Variants in INPP5D observed in about 807,000 individuals in gnomAD.
INPP5D encodes the protein phosphatidylinositol 3,4,5-trisphosphate 5-phosphatase 1.
In INPP5D, 33 loss-of-function variants were observed where a neutral mutation model predicts 122.9. The ratio of observed to expected loss-of-function variants is 0.27; its 90% CI spans 0.20 to 0.36. The LOEUF (loss-of-function observed/expected upper bound fraction) is 0.36, where lower values mean the gene tolerates loss of function less well. INPP5D is among the 10% of genes least tolerant of loss of function. The probability of loss-of-function intolerance (pLI) is 1.00; values close to 1 mark genes in which losing one functional copy is unlikely to be tolerated. For synonymous variants in INPP5D, 584 were observed against 576.2 expected (o/e 1.01, Z -0.19); for missense variants, 1,053 against 1,412.7 (o/e 0.75, Z 4.08).
chr2:233,105,815 G>A lies in INPP5D; in HGVS notation c.199-16292G>A, dbSNP rs1472199887. On this transcript the variant is annotated intron_variant, in intron 2 of 26. Coordinates refer to ENST00000445964, the MANE Select transcript of INPP5D (RefSeq NM_001017915.3). The surrounding 1 kb of genome is among the most constrained non-coding windows in gnomAD (Gnocchi z 4.0). ...AGTGGAGGGTGCCAGGGAGAGAGTG[G>A]CTCTGGGGGGCCACAGTGGGGTTCT... 6.6e-6 allele frequency among the ~76,000 whole-genome samples: 1 copy of A among 152,126 alleles called. No homozygotes were observed. Among genetic ancestry groups the A allele is most frequent in the Non-Finnish European group, 1.5e-5 (1 of 68,016 alleles).
At chr2:233,146,781 G>C (rs1693771679) in intron 8 of INPP5D, among the ~76,000 whole-genome samples, 2 of 151,784 alleles carry the variant, frequency 1.3e-5, no homozygotes, top group Admixed American at 1.3e-4. Flanking sequence ...GGGGAATTCA[G>C]AAAAAAAATC....
chr2:233,186,462 C>G (rs1327379755), intron 21 of INPP5D, among the ~76,000 whole-genome samples: 1 of 152,108 alleles, frequency 6.6e-6, no homozygotes, highest in Non-Finnish European at 1.5e-5. Flanking sequence ...GAATTGGAAA[C>G]ACTCAGCCAG....
chr2:233,111,034 A>G (rs1234044998), intron 2 of INPP5D, among the ~76,000 whole-genome samples: 1 of 152,158 alleles, frequency 6.6e-6, no homozygotes. Context: ...ATTCCTGTAT[A>G]CCCTCTGCTT....
In INPP5D at chr2:233,112,459, CT is replaced by C. The variant is rs1692659661; in HGVS notation, c.199-9646del. Among the ~76,000 whole-genome samples the C allele has an allele frequency of 3.3e-5, 5 of 152,096 alleles. No homozygotes were observed. In the South Asian group the frequency reaches 1.0e-3, roughly 32 times the overall value. Reference sequence around the variant, plus strand: ...TCTGGGGCAACAGGTGTTGCAGGTACTTGTTAGATCTTCTTGGCCTCGATTC... The same window carrying C: ...TCTGGGGCAACAGGTGTTGCAGGTACTGTTAGATCTTCTTGGCCTCGATTC... On this transcript the variant is annotated intron_variant, in intron 2 of 26. Transcript: ENST00000445964.
chr2:233,067,042 T>C (rs1389174170), intron 1 of INPP5D, among the ~76,000 whole-genome samples: 1 of 152,098 alleles, frequency 6.6e-6, no homozygotes, highest in Non-Finnish European at 1.5e-5. Flanking sequence ...CCTCCCAAAG[T>C]GCTGGGATTA....
intron 25 of INPP5D, among the ~76,000 whole-genome samples, chr2:233,200,358 A>G (rs1215304695): frequency 2.0e-5 from 3 of 152,250 alleles, no homozygotes; most frequent in Non-Finnish European, 4.4e-5. Context: ...CCAATTACCA[A>G]CGATTTAAGA....
At chr2:233,158,282 G>A (rs369242601) in intron 9 of INPP5D, 31 bp from the exon 10 acceptor site, 1,164 of 693,666 alleles carry the variant, frequency 1.7e-3, no homozygotes, top group Non-Finnish European at 2.5e-3. Flanking sequence ...ATGAGTGGAT[G>A]AATGAATTAA....
intron 2 of INPP5D, among the ~76,000 whole-genome samples, chr2:233,092,495 T>C (rs1574718603): frequency 6.6e-6 from 1 of 152,176 alleles, no homozygotes; most frequent in Non-Finnish European, 1.5e-5. Context: ...GGCAGGTTTT[T>C]AGCATTGATG....
At chr2:233,079,440 C>T (rs750981725) in intron 2 of INPP5D, 42 bp downstream of exon 2, 25 of 1,210,610 alleles carry the variant, frequency 2.1e-5, no homozygotes, top group Non-Finnish European at 3.1e-5. Context: ...CTGACTTCAG[C>T]CGATACTGGC....
intron 19 of INPP5D, among the ~76,000 whole-genome samples, chr2:233,182,924 T>A (rs1694820846): frequency 6.6e-6 from 1 of 152,222 alleles, no homozygotes; most frequent in Admixed American, 6.5e-5. Context: ...TATTGTGATA[T>A]ACCTTATTCA....
intron 2 of INPP5D, among the ~76,000 whole-genome samples, chr2:233,106,143 G>A (rs1692462808): frequency 6.6e-6 from 1 of 152,184 alleles, no homozygotes; most frequent in African/African-American, 2.4e-5. Flanking sequence ...ACTTGTATCT[G>A]TCAGTGTTTG....
chr2:233,198,209 C>T lies in INPP5D; in HGVS notation c.2808C>T (p.Asp936=), dbSNP rs1162664504. ...ACGTGAAGCAGACCTTGTCCCCTGA[C>T]CAGCAGCCCACAGCCTGGAGCTACG... ...PLHVKQTLSP[D]QQPTAWSYDQ... Residue 936 remains aspartate (D), a synonymous_variant, in exon 25 of 27, where the codon GAC becomes GAT. Transcript: ENST00000445964. 1.2e-6 allele frequency: 2 copies of T among 1,613,704 alleles called. No homozygotes were observed. The highest frequency in any genetic ancestry group is 2.2e-5 in the South Asian group (2 of 91,088).
chr2:233,197,041 A>G lies in INPP5D; in HGVS notation c.2694-1054A>G, dbSNP rs1382502485. ...AGAATCAGGATCAGTGTAGGGAAAC[A>G]AATTCTTTTCCATTTTGACTAGCAT... On this transcript the variant is annotated intron_variant, in intron 24 of 26. Transcript: ENST00000445964. This position sits in a 1 kb window ranked among gnomAD's most constrained non-coding sequence, Gnocchi z 4.4. Among the ~76,000 whole-genome samples the G allele has an allele frequency of 6.6e-6, 1 of 152,220 alleles. No homozygotes were observed. The highest frequency in any genetic ancestry group is 1.5e-5 in the Non-Finnish European group (1 of 68,030).
chr2:233,170,541 G>T lies in INPP5D; in HGVS notation c.1837G>T (p.Asp613Tyr). Residue 613 changes from aspartate (D) to tyrosine (Y), a missense_variant, in exon 16 of 27, where the codon GAC becomes TAC. Transcript: ENST00000445964. This position sits in a 1 kb window ranked among gnomAD's most constrained non-coding sequence, Gnocchi z 4.5. ...IQKIKQQQYA[D>Y]LLSHDQLLTE... ...GAAAATCAAGCAGCAGCAGTACGCA[G>T]ACCTCCTGTCCCACGACCAGCTGCT... 6.2e-7 allele frequency: 1 copy of T among 1,613,756 alleles called. No homozygotes were observed. Among genetic ancestry groups the T allele is most frequent in the South Asian group, 1.1e-5 (1 of 91,060 alleles).
chr2:233,137,422 G>A (rs990787685), intron 5 of INPP5D, among the ~76,000 whole-genome samples: 2 of 149,920 alleles, frequency 1.3e-5, no homozygotes, highest in South Asian at 4.2e-4. Context: ...AATTACAATC[G>A]ATAGGGAAAC....
chr2:233,198,406 C>T (rs1695241757), intron 25 of INPP5D, 30 bp downstream of exon 25: 1 of 1,587,346 alleles, frequency 6.3e-7, no homozygotes, highest in African/African-American at 1.3e-5. Context: ...AGACGGCTCC[C>T]TCCCTCCTTA....
In INPP5D at chr2:233,082,212, A is replaced by T. The variant is rs1470493793; in HGVS notation, c.198+2814A>T. ...AGGGGAATTCTCATAGGATTCTCCC[A>T]GGTGGACTCACCTTCGAAAATCTAC... On this transcript the variant is annotated intron_variant, in intron 2 of 26. Coordinates refer to ENST00000445964, the MANE Select transcript of INPP5D (RefSeq NM_001017915.3). The surrounding 1 kb of genome is among the most constrained non-coding windows in gnomAD (Gnocchi z 4.7). Among the ~76,000 whole-genome samples the T allele has an allele frequency of 2.6e-5, 4 of 152,206 alleles. No individual in the cohort carries two copies. The highest frequency in any genetic ancestry group is 9.7e-5 in the African/African-American group (4 of 41,450).
In INPP5D at chr2:233,171,169, G is replaced by C. The variant is rs1436496301; in HGVS notation, c.1989+17G>C. 6.2e-7 allele frequency: 1 copy of C among 1,612,870 alleles called. No homozygotes were observed. The highest frequency in any genetic ancestry group is 1.1e-5 in the South Asian group (1 of 90,928). On this transcript the variant is annotated intron_variant, in intron 17 of 26. Transcript: ENST00000445964. ...GCGACAGGGGTGAGTCCTCTTCATA[G>C]ACACCTTCCCTGCCCTCCATCTCCT... is the stretch of plus-strand genomic sequence containing the variant.
intron 1 of INPP5D, among the ~76,000 whole-genome samples, chr2:233,072,101 G>A (rs747081101): frequency 1.1e-4 from 16 of 152,190 alleles, no homozygotes; most frequent in Non-Finnish European, 1.6e-4. Flanking sequence ...TGTGAGAATC[G>A]CTATGGACCA....
Sources: allele counts gnomAD v4.1 joint callset (sites outside exome capture counted in the v4.1 genomes callset), GRCh38; gene constraint gnomAD v4.1.1; non-coding constraint Gnocchi (gnomAD v3.1); transcripts MANE v1.5; gene names NCBI Gene and HGNC (gene_info 2026-07-23, HGNC 2026-07-21).